TXLNB: variants seen among roughly 807,000 people sequenced by gnomAD.
The protein encoded by TXLNB is beta-taxilin.
A neutral mutation model predicts 57.4 loss-of-function variants in TXLNB; 37 were observed. The ratio of observed to expected loss-of-function variants is 0.64; its 90% CI spans 0.50 to 0.85. TXLNB has a LOEUF of 0.85. TXLNB is among the 40% of genes least tolerant of loss of function. The pLI is 0.00. For synonymous variants in TXLNB, 302 were observed against 309.6 expected (o/e 0.98, Z 0.26); for missense variants, 848 against 825.6 (o/e 1.03, Z -0.33).
chr6:139,233,538 T>G, the TXLNB span, among the ~76,000 whole-genome samples: 2 of 151,862 alleles, frequency 1.3e-5, no homozygotes, highest in Non-Finnish European at 2.9e-5. Flanking sequence ...CTGGACTTGG[T>G]GAGTCTCATG....
chr6:139,290,396 A>G (rs568624765), intron 1 of TXLNB, among the ~76,000 whole-genome samples: 1 of 152,238 alleles, frequency 6.6e-6, no homozygotes, highest in South Asian at 2.1e-4. Context: ...TAAACAAAAC[A>G]AAAGCATGAT....
chr6:139,250,669 T>C (rs910695684), intron 7 of TXLNB, among the ~76,000 whole-genome samples: 15 of 152,214 alleles, frequency 9.9e-5, no homozygotes, highest in African/African-American at 3.6e-4. Flanking sequence ...CAGAGTTACA[T>C]AGAGGCCTCA....
At chr6:139,247,117 G>A (rs1343701753) in intron 8 of TXLNB, among the ~76,000 whole-genome samples, 1 of 151,998 alleles carries the variant, frequency 6.6e-6, no homozygotes, top group Non-Finnish European at 1.5e-5. Context: ...TTCTACTTTT[G>A]TATATTCATA....
At chr6:139,278,175 A>G (rs1776949157) in intron 2 of TXLNB, among the ~76,000 whole-genome samples, 1 of 152,240 alleles carries the variant, frequency 6.6e-6, no homozygotes, top group South Asian at 2.1e-4. Flanking sequence ...TTTAAGGCCC[A>G]GAAAAGTCCA....
chr6:139,307,555 T>C, the TXLNB span, among the ~76,000 whole-genome samples: 105 of 152,344 alleles, frequency 6.9e-4, 1 homozygote, highest in Middle Eastern at 3.4e-3. Context: ...TTTTTGTCTA[T>C]AGTAACATAT....
At chr6:139,267,511 G>A (rs1776645125) in intron 4 of TXLNB, among the ~76,000 whole-genome samples, 1 of 152,098 alleles carries the variant, frequency 6.6e-6, no homozygotes, top group Non-Finnish European at 1.5e-5. Context: ...CAAAATACAA[G>A]AGATGAAATG....
chr6:139,311,077 A>G, the TXLNB span, among the ~76,000 whole-genome samples: 1 of 152,220 alleles, frequency 6.6e-6, no homozygotes, highest in East Asian at 1.9e-4. Flanking sequence ...AATAACTTAA[A>G]TGTCAGTCAT....
chr6:139,256,269 C>T (rs1172170737), intron 6 of TXLNB, among the ~76,000 whole-genome samples: 1 of 152,204 alleles, frequency 6.6e-6, no homozygotes, highest in Non-Finnish European at 1.5e-5. Flanking sequence ...TCAGCCTCTG[C>T]TGGAACCTCT....
chr6:139,162,316 T>G, the TXLNB span, among the ~76,000 whole-genome samples: 1 of 152,188 alleles, frequency 6.6e-6, no homozygotes, highest in African/African-American at 2.4e-5. Flanking sequence ...GGAGGAAGTT[T>G]ACTAGATGCC....
chr6:139,233,600 ACT>A, the TXLNB span, among the ~76,000 whole-genome samples: 1 of 151,442 alleles, frequency 6.6e-6, no homozygotes, highest in Non-Finnish European at 1.5e-5. Context: ...GCACTCACTC[ACT>A]CTGTCCTGCC....
intron 2 of TXLNB, among the ~76,000 whole-genome samples, chr6:139,284,690 A>G (rs1777131834): frequency 6.8e-6 from 1 of 146,058 alleles, no homozygotes; most frequent in Non-Finnish European, 1.5e-5. Flanking sequence ...GCTTCACTCC[A>G]GGCCTACAAA....
rs1342473421 is a variant in TXLNB, at chr6:139,270,764, T to C, written c.517-138A>G. On this transcript the variant is annotated intron_variant, in intron 3 of 9. Coordinates refer to ENST00000358430, the MANE Select transcript of TXLNB (RefSeq NM_153235.4). ...TATTATCTCTTCCTCTGGAAGTAAA[T>C]GAAATTCACAAACGTCACCTTTGTA... 58 of 719,182 alleles carry C rather than the reference T, an allele frequency of 8.1e-5. 1 individual carries two copies. The Admixed American group carries it at 1.6e-3, about 20-fold the overall frequency. The allele number at this position is 719,182 out of a possible 1,614,324, so 44.6% of individuals were successfully genotyped here. A position where few individuals can be genotyped will look rare whatever the true frequency, so the allele number is the denominator to read the frequency against.
chr6:139,284,556 A>G (rs2114627009), intron 2 of TXLNB, among the ~76,000 whole-genome samples: 1 of 145,492 alleles, frequency 6.9e-6, no homozygotes, highest in South Asian at 2.3e-4. Flanking sequence ...ATAAAAATAA[A>G]TAAATAAGTA....
intron 4 of TXLNB, among the ~76,000 whole-genome samples, chr6:139,265,457 T>C (rs996368415): frequency 2.0e-5 from 3 of 152,184 alleles, no homozygotes; most frequent in African/African-American, 7.2e-5. Context: ...TGTGTGTGTG[T>C]GTGTGCGTTT....
At chr6:139,310,247 CA>C in the TXLNB span, among the ~76,000 whole-genome samples, 1 of 152,114 alleles carries the variant, frequency 6.6e-6, no homozygotes, top group African/African-American at 2.4e-5. Flanking sequence ...GCTTAATATC[CA>C]AAATTTGTAA....
intron 9 of TXLNB, 140 bp from the exon 10 acceptor site, chr6:139,243,454 A>AG: frequency 1.5e-6 from 1 of 677,796 alleles, no homozygotes; most frequent in Non-Finnish European, 2.4e-6. Context: ...GCTACAGAGT[A>AG]GGGGCTGAAC....
chr6:139,272,122 C>T lies in TXLNB; in HGVS notation c.517-1496G>A, dbSNP rs144442514. On this transcript the variant is annotated intron_variant, in intron 3 of 9. Transcript: ENST00000358430. ...AGGAGATCAAGACCATCCTGGCCAA[C>T]GTGGTGAAACCCCATCTCTACTAAA... Among the ~76,000 whole-genome samples the T allele has an allele frequency of 2.4e-4, 37 of 152,190 alleles. No individual in the cohort carries two copies. In the East Asian group the frequency reaches 4.8e-3, roughly 20 times the overall value.
the TXLNB span, among the ~76,000 whole-genome samples, chr6:139,224,333 A>G: frequency 6.7e-6 from 1 of 148,946 alleles, no homozygotes; most frequent in Non-Finnish European, 1.5e-5. Flanking sequence ...GCATTGGGAG[A>G]TATACCTAAT....
At chr6:139,167,465 T>A in the TXLNB span, 1 of 718,244 alleles carries the variant, frequency 1.4e-6, no homozygotes. Flanking sequence ...TTTGAATATT[T>A]CAGCTTCGCC....
Sources: allele counts gnomAD v4.1 joint callset (sites outside exome capture counted in the v4.1 genomes callset), GRCh38; gene constraint gnomAD v4.1.1; transcripts MANE v1.5; gene names NCBI Gene and HGNC (gene_info 2026-07-23, HGNC 2026-07-21).